XYLT1: variants seen among roughly 807,000 people sequenced by gnomAD.
XYLT1 encodes the protein xylosyltransferase 1, also known as beta-D-xylosyltransferase 1.
Under a neutral mutation model 91.3 loss-of-function variants are expected in XYLT1, and 36 were observed. The ratio of observed to expected loss-of-function variants is 0.39; its 90% CI spans 0.30 to 0.52. The LOEUF is 0.52. XYLT1 is among the 20% of genes least tolerant of loss of function. XYLT1 has a pLI of 0.68. For synonymous variants in XYLT1, 588 were observed against 532.0 expected (o/e 1.11, Z -1.45); for missense variants, 1,242 against 1,284.5 (o/e 0.97, Z 0.51).
At chr16:17,225,695 T>C (rs1012220875) in intron 3 of XYLT1, among the ~76,000 whole-genome samples, 3 of 152,004 alleles carry the variant, frequency 2.0e-5, no homozygotes, top group African/African-American at 4.8e-5. Context: ...CAACAGCAAA[T>C]ATGTTCCAGT....
At chr16:17,470,400 T>A (rs1253064994) in intron 1 of XYLT1, 34 bp downstream of exon 1, 2 of 1,220,852 alleles carry the variant, frequency 1.6e-6, no homozygotes, top group Non-Finnish European at 2.0e-6. Context: ...CCTCCCTCCC[T>A]CGCCGCGGGG....
At chr16:17,204,609 G>A (rs1475237375) in intron 3 of XYLT1, among the ~76,000 whole-genome samples, 1 of 152,160 alleles carries the variant, frequency 6.6e-6, no homozygotes, top group East Asian at 1.9e-4. Flanking sequence ...TTTACTGAGT[G>A]CCTACTATGT....
chr16:17,447,232 T>C (rs1422527977), intron 1 of XYLT1, among the ~76,000 whole-genome samples: 1 of 152,070 alleles, frequency 6.6e-6, no homozygotes, highest in Non-Finnish European at 1.5e-5. Flanking sequence ...CACCAACCAC[T>C]ATCACTCTCA....
intron 2 of XYLT1, among the ~76,000 whole-genome samples, chr16:17,279,901 C>T (rs552198606): frequency 2.6e-5 from 4 of 152,308 alleles, no homozygotes; most frequent in South Asian, 4.1e-4. Context: ...GTGGCACTGC[C>T]GAGGACCTCA....
intron 3 of XYLT1, among the ~76,000 whole-genome samples, chr16:17,207,190 T>C (rs1213000357): frequency 1.3e-5 from 2 of 151,778 alleles, no homozygotes; most frequent in Non-Finnish European, 2.9e-5. Flanking sequence ...CCTGAGTAGC[T>C]GGGATTATAG....
intron 1 of XYLT1, among the ~76,000 whole-genome samples, chr16:17,361,257 G>A (rs979542247): frequency 2.0e-5 from 3 of 148,702 alleles, no homozygotes; most frequent in Non-Finnish European, 4.4e-5. Flanking sequence ...GCTGGTCCAA[G>A]GAGGATGCCA....
Position 17,141,217 on chromosome 16 carries a change from A to T in XYLT1, c.1523T>A (p.Phe508Tyr). The T allele has an allele frequency of 3.7e-6, 6 of 1,614,152 alleles. No homozygotes were observed. The highest frequency in any genetic ancestry group is 5.1e-6 in the Non-Finnish European group (6 of 1,180,018). Reference protein sequence around the residue: ...LNRRFVEYVTFSTDDLVTKMK... With the variant: ...LNRRFVEYVTYSTDDLVTKMK... ...CTTGGTCACCAGATCGTCTGTGGAG[A>T]AGGTCACATATTCTACAAACCTCCG... The change falls in exon 7 of 12, where the codon TTC (phenylalanine) becomes TAC (tyrosine). Residue 508 changes from phenylalanine (F) to tyrosine (Y), a missense_variant. Transcript: ENST00000261381.
intron 2 of XYLT1, among the ~76,000 whole-genome samples, chr16:17,323,089 C>A (rs977917414): frequency 5.3e-5 from 8 of 152,348 alleles, no homozygotes; most frequent in Non-Finnish European, 1.0e-4. Flanking sequence ...GCTCTCCAGG[C>A]AAGCTGGCCA....
chr16:17,146,343 G>C (rs1356040159), intron 6 of XYLT1, among the ~76,000 whole-genome samples: 1 of 152,208 alleles, frequency 6.6e-6, no homozygotes, highest in African/African-American at 2.4e-5. Flanking sequence ...CGGCTGAAAT[G>C]TGCTTTTCAT....
rs1004770432 is a variant in XYLT1 at position 17,103,404 on chromosome 16, T to C, written c.*5291A>G. On this transcript the variant is annotated 3_prime_UTR_variant, in exon 12 of 12. Transcript: ENST00000261381. Reference sequence around the variant, plus strand: ...TAGGAAAAATATAAGAACATTTTTCTTAAAGACGACATTTGTAAGCAATTC... The same window carrying C: ...TAGGAAAAATATAAGAACATTTTTCCTAAAGACGACATTTGTAAGCAATTC... 1.3e-5 allele frequency: 2 copies of C among 152,360 alleles called. No individual in the cohort carries two copies. The highest frequency in any genetic ancestry group is 6.5e-5 in the Admixed American group (1 of 15,278). The allele number at this position is 152,360 out of a possible 1,614,324, so 9.4% of individuals were successfully genotyped here.
chr16:17,224,139 G>T (rs1211031587), intron 3 of XYLT1, among the ~76,000 whole-genome samples: 3 of 152,184 alleles, frequency 2.0e-5, no homozygotes, highest in Admixed American at 6.5e-5. Context: ...AAGGTAACCT[G>T]ACATATTTTA....
At chr16:17,373,530 G>A (rs902915052) in intron 1 of XYLT1, among the ~76,000 whole-genome samples, 22 of 151,042 alleles carry the variant, frequency 1.5e-4, no homozygotes, top group African/African-American at 5.3e-4. Flanking sequence ...TTTTAAGCCA[G>A]CTGGCGGAAT....
chr16:17,146,647 A>G (rs1051438083), intron 6 of XYLT1, among the ~76,000 whole-genome samples: 2 of 152,234 alleles, frequency 1.3e-5, no homozygotes, highest in African/African-American at 4.8e-5. Context: ...ACATCTCTCT[A>G]GGATGAATCC....
chr16:17,367,183 A>G (rs1307611593), intron 1 of XYLT1, among the ~76,000 whole-genome samples: 2 of 152,270 alleles, frequency 1.3e-5, no homozygotes, highest in East Asian at 3.9e-4. Flanking sequence ...AGTTCCTCTT[A>G]GAAGACAATT....
At chr16:17,347,978 G>C (rs1177603681) in intron 2 of XYLT1, among the ~76,000 whole-genome samples, 1 of 151,994 alleles carries the variant, frequency 6.6e-6, no homozygotes, top group Admixed American at 6.6e-5. Context: ...CTTGCTAGGG[G>C]TACAGACACA....
At chr16:17,212,237 G>C (rs1451390836) in intron 3 of XYLT1, among the ~76,000 whole-genome samples, 1 of 152,178 alleles carries the variant, frequency 6.6e-6, no homozygotes, top group Non-Finnish European at 1.5e-5. Context: ...TGTGATACAG[G>C]CTCATGTTTG....
At chr16:17,456,389 G>C (rs563279410) in intron 1 of XYLT1, among the ~76,000 whole-genome samples, 1 of 147,102 alleles carries the variant, frequency 6.8e-6, no homozygotes, top group Admixed American at 6.8e-5. Flanking sequence ...CCAGGCTGGA[G>C]TGCAGTGGTG....
chr16:17,138,391 G>C lies in XYLT1; in HGVS notation c.1728C>G (p.Pro576=). ...KHIVDWCGCS[P]NDFKPQDFHR... ...GGAAGTCCTGCGGCTTGAAGTCATTGGGGGAGCAGCCGCACCAGTCCACGA... is the reference window on the plus strand; with the variant it reads ...GGAAGTCCTGCGGCTTGAAGTCATTCGGGGAGCAGCCGCACCAGTCCACGA... The change falls in exon 8 of 12, where the codon CCC becomes CCG. Residue 576 remains proline (P), a synonymous_variant. Transcript: ENST00000261381. 1 of 1,614,034 alleles carries C rather than the reference G, an allele frequency of 6.2e-7. No individual in the cohort carries two copies. The highest frequency in any genetic ancestry group is 8.5e-7 in the Non-Finnish European group (1 of 1,179,980).
At chr16:17,245,847 A>G (rs2141740734) in intron 3 of XYLT1, among the ~76,000 whole-genome samples, 1 of 152,358 alleles carries the variant, frequency 6.6e-6, no homozygotes, top group East Asian at 1.9e-4. Context: ...CTGGCAGAGA[A>G]ATGGGAGGTA....
Sources: gnomAD v4.1 joint callset for allele counts (sites outside exome capture counted in the v4.1 genomes callset) on GRCh38, gnomAD v4.1.1 for gene constraint, MANE v1.5 for transcripts, NCBI Gene and HGNC (gene_info 2026-07-23, HGNC 2026-07-21) for gene names.